PCDH9: variants seen among roughly 807,000 people sequenced by gnomAD.
PCDH9 encodes protocadherin-9.
PCDH9 carries 24 observed loss-of-function variants against 70.6 expected under a neutral mutation model. That is an observed-to-expected ratio of 0.34 (90% CI 0.25 to 0.48). PCDH9 has a LOEUF of 0.48. Ranked by LOEUF, PCDH9 falls within the 20% of genes least tolerant of loss-of-function variation. The probability of loss-of-function intolerance (pLI) is 0.99; values close to 1 mark genes in which losing one functional copy is unlikely to be tolerated. For missense variants in PCDH9, 1,281 were observed against 1,503.6 expected, an observed-to-expected ratio of 0.85 and a Z score of 2.45; for synonymous variants, 562 against 558.5, an observed-to-expected ratio of 1.01 and a Z score of -0.09.
chr13:67,205,497 TA>T (rs963619594), intron 2 of PCDH9: 2 of 152,232 alleles, frequency 1.3e-5, no homozygotes, highest in African/African-American at 4.8e-5. Flanking sequence ...TTCAGAATTC[TA>T]AGTGTTTGTA....
rs138869574 is a variant in PCDH9, at chr13:67,200,670, G to A, written c.3036+24735C>T. Among the ~76,000 whole-genome samples, 33 of 152,088 alleles carry A rather than the reference G, an allele frequency of 2.2e-4. No individual in the cohort carries two copies. The East Asian group carries it at 5.8e-3, about 27-fold the overall frequency. ...ACAGACCTGCATATATTTTCTCCAC[G>A]TCACCTCCTTGTAACTGCTTCTCTG... On this transcript the variant is annotated intron_variant, in intron 2 of 4. Coordinates refer to ENST00000377865, the MANE Select transcript of PCDH9 (RefSeq NM_203487.3).
rs1424030568 is a variant in PCDH9, at chr13:66,852,648, T to C, written c.3138+50856A>G. ...AAGGTGATCAGATATTTTATAGAAC[T>C]TGTTCCTGGCCTCTCTGAAATGCTG... On this transcript the variant is annotated intron_variant, in intron 3 of 4. Transcript: ENST00000377865. Among the ~76,000 whole-genome samples the C allele has an allele frequency of 1.3e-5, 2 of 152,160 alleles. 1 individual carries two copies. The highest frequency in any genetic ancestry group is 1.3e-4 in the Admixed American group (2 of 15,270).
intron 3 of PCDH9, among the ~76,000 whole-genome samples, chr13:66,785,896 G>A (rs1191442975): frequency 2.0e-5 from 3 of 151,904 alleles, no homozygotes; most frequent in African/African-American, 7.3e-5. Flanking sequence ...ACTAGGAAGA[G>A]ATAGCAGTGT....
At chr13:66,921,831 G>A (rs1175789281) in intron 2 of PCDH9, among the ~76,000 whole-genome samples, 1 of 151,410 alleles carries the variant, frequency 6.6e-6, no homozygotes, top group Non-Finnish European at 1.5e-5. Context: ...TATACAAAAC[G>A]ATTCTAAGAG....
chr13:67,020,140 T>C (rs1162219464), intron 2 of PCDH9, among the ~76,000 whole-genome samples: 2 of 152,200 alleles, frequency 1.3e-5, no homozygotes, highest in African/African-American at 4.8e-5. Flanking sequence ...TAGTATATGT[T>C]TCTTTTTTTT....
At chr13:66,388,652 T>C (rs1230325360) in intron 4 of PCDH9, among the ~76,000 whole-genome samples, 1 of 152,176 alleles carries the variant, frequency 6.6e-6, no homozygotes, top group African/African-American at 2.4e-5. Flanking sequence ...AAAATATAAT[T>C]AGAAGTTACA....
intron 3 of PCDH9, among the ~76,000 whole-genome samples, chr13:66,659,362 A>G (rs1193685617): frequency 3.9e-5 from 6 of 152,184 alleles, no homozygotes; most frequent in African/African-American, 1.2e-4. Context: ...AAAAAGAGGT[A>G]AAACACCATT....
At chr13:67,224,955 C>A in intron 2 of PCDH9, 2 of 1,003,200 alleles carry the variant, frequency 2.0e-6, no homozygotes, top group Non-Finnish European at 2.4e-6. Context: ...ACCCCTTTAG[C>A]AACCATAGCT....
chr13:66,774,324 C>G (rs2079856332), intron 3 of PCDH9, among the ~76,000 whole-genome samples: 1 of 152,012 alleles, frequency 6.6e-6, no homozygotes, highest in Admixed American at 6.6e-5. Flanking sequence ...TTGCAGTGTC[C>G]CTATGTGAAT....
chr13:66,454,128 G>A (rs1958269581), intron 4 of PCDH9, among the ~76,000 whole-genome samples: 1 of 151,558 alleles, frequency 6.6e-6, no homozygotes, highest in Non-Finnish European at 1.5e-5. Context: ...AGAAAAAAAA[G>A]TCCCCAAATA....
chr13:66,371,351 A>T (rs1229743860), intron 4 of PCDH9, among the ~76,000 whole-genome samples: 2 of 152,036 alleles, frequency 1.3e-5, no homozygotes, highest in Non-Finnish European at 2.9e-5. Flanking sequence ...GGATGGTTGG[A>T]TATTACACAT....
intron 2 of PCDH9, among the ~76,000 whole-genome samples, chr13:67,162,431 G>A (rs1426152891): frequency 6.6e-6 from 1 of 152,158 alleles, no homozygotes; most frequent in East Asian, 1.9e-4. Context: ...ATATAAAATA[G>A]CTTTATTAAA....
intron 3 of PCDH9, among the ~76,000 whole-genome samples, chr13:66,815,102 G>A (rs1378781023): frequency 2.0e-5 from 3 of 151,944 alleles, no homozygotes; most frequent in Admixed American, 1.3e-4. Flanking sequence ...ATTCAAAAGT[G>A]GGCAAAGGAC....
intron 2 of PCDH9, among the ~76,000 whole-genome samples, chr13:67,007,848 G>A (rs11620418): frequency 0.031 from 4,734 of 152,130 alleles, 133 homozygotes; most frequent in South Asian, 0.11. Flanking sequence ...TGGGGTATTC[G>A]TGAATATATC....
chr13:66,426,560 A>G (rs1040695007), intron 4 of PCDH9, among the ~76,000 whole-genome samples: 1 of 150,872 alleles, frequency 6.6e-6, no homozygotes, highest in African/African-American at 2.4e-5. Context: ...TTCATATGTT[A>G]AGGTCTTATT....
chr13:66,779,566 T>C (rs895788515), intron 3 of PCDH9, among the ~76,000 whole-genome samples: 2 of 152,136 alleles, frequency 1.3e-5, no homozygotes, highest in Admixed American at 1.3e-4. Context: ...CTCAGGCCTG[T>C]AATCCCAGCA....
chr13:66,701,801 C>CA (rs1303953120), intron 3 of PCDH9, among the ~76,000 whole-genome samples: 2 of 151,958 alleles, frequency 1.3e-5, no homozygotes, highest in Admixed American at 6.6e-5. Flanking sequence ...TAAAAATTAG[C>CA]AAAAAAATTC....
intron 2 of PCDH9, chr13:67,209,622 T>A (rs1294107219): frequency 6.6e-6 from 1 of 152,130 alleles, no homozygotes; most frequent in Admixed American, 6.5e-5. Flanking sequence ...CAAATTGAGT[T>A]ATTAGACGAG....
intron 3 of PCDH9, among the ~76,000 whole-genome samples, chr13:66,753,958 G>GA (rs1167574031): frequency 6.6e-6 from 1 of 152,206 alleles, no homozygotes; most frequent in African/African-American, 2.4e-5. Context: ...GAAATGCATT[G>GA]ATTATTAATG....
Sources: allele counts gnomAD v4.1 joint callset (sites outside exome capture counted in the v4.1 genomes callset), GRCh38; gene constraint gnomAD v4.1.1; transcripts MANE v1.5; gene names NCBI Gene and HGNC (gene_info 2026-07-23, HGNC 2026-07-21).